The following HDAC4 variants were observed in gnomAD, a reference collection of about 807,000 sequenced individuals.
HDAC4 encodes histone deacetylase A.
Under a neutral mutation model 135.1 loss-of-function variants are expected in HDAC4, and 16 were observed. That is an observed-to-expected ratio of 0.12 (90% CI 0.08 to 0.18). HDAC4 has a LOEUF of 0.18. Among genes scored for constraint, HDAC4 ranks in the 10% least tolerant of loss-of-function variants. The pLI is 1.00. For synonymous variants in HDAC4, 685 were observed against 653.4 expected, an observed-to-expected ratio of 1.05 and a Z score of -0.74; for missense variants, 1,143 against 1,511.8, an observed-to-expected ratio of 0.76 and a Z score of 4.05.
At chr2:239,086,307 A>C (rs1417059061) in intron 19 of HDAC4, among the ~76,000 whole-genome samples, 1 of 126,340 alleles carries the variant, frequency 7.9e-6, no homozygotes. Flanking sequence ...CACGAAGGAG[A>C]CTCTGCTCTA....
chr2:239,114,244 C>T (rs560835151), intron 13 of HDAC4, among the ~76,000 whole-genome samples: 6 of 152,254 alleles, frequency 3.9e-5, no homozygotes, highest in African/African-American at 9.6e-5. Context: ...AGGTGCTCAA[C>T]GGCACGGCCG....
At chr2:239,356,360 G>A (rs1693489729) in intron 1 of HDAC4, among the ~76,000 whole-genome samples, 1 of 152,146 alleles carries the variant, frequency 6.6e-6, no homozygotes, top group Non-Finnish European at 1.5e-5. Context: ...GGCAGGGGTT[G>A]TCAGACTGGA....
At chr2:239,162,216 C>G in intron 6 of HDAC4, 1 of 456,792 alleles carries the variant, frequency 2.2e-6, no homozygotes. Flanking sequence ...TGCCCCACTC[C>G]TATCACTGTC....
intron 1 of HDAC4, among the ~76,000 whole-genome samples, chr2:239,374,462 G>GGC (rs935187370): frequency 5.3e-5 from 7 of 131,460 alleles, no homozygotes; most frequent in African/African-American, 2.0e-4. Context: ...GGAGTGCAGT[G>GGC]GCGGGATCTC....
At chr2:239,160,966 G>GT (rs1490377556) in intron 6 of HDAC4, among the ~76,000 whole-genome samples, 2 of 152,194 alleles carry the variant, frequency 1.3e-5, no homozygotes, top group Non-Finnish European at 2.9e-5. Flanking sequence ...CACCCGGCCT[G>GT]TTTCACTCCG....
chr2:239,235,036 TA>T (rs980092011), intron 3 of HDAC4, among the ~76,000 whole-genome samples: 6 of 152,268 alleles, frequency 3.9e-5, no homozygotes, highest in African/African-American at 1.4e-4. Context: ...ACTGTCGACA[TA>T]AGCCAAAATT....
Position 239,313,724 on chromosome 2 carries a change from C to T in HDAC4, c.22+38954G>A, listed in dbSNP as rs138369527. Among the ~76,000 whole-genome samples, 112 of 152,344 alleles carry T rather than the reference C, an allele frequency of 7.4e-4. No homozygotes were observed. Among genetic ancestry groups the T allele is most frequent in the Middle Eastern group, 3.4e-3 (1 of 294 alleles). The stretch of plus-strand genomic sequence containing the variant: ...AAAGGAAGATTCAGAAAAGCCTTCA[C>T]GCCTGGCAATATGGCACACGCACTT... On this transcript the variant is annotated intron_variant, in intron 2 of 26. Transcript: ENST00000543185. This position sits in a 1 kb window ranked among gnomAD's most constrained non-coding sequence, Gnocchi z 5.1.
At chr2:239,177,693 A>G (rs1288501923) in intron 4 of HDAC4, among the ~76,000 whole-genome samples, 1 of 152,248 alleles carries the variant, frequency 6.6e-6, no homozygotes, top group Non-Finnish European at 1.5e-5. Flanking sequence ...TAAAAGAAAA[A>G]CTGCAGTATT....
intron 17 of HDAC4, chr2:239,094,234 C>T (rs549403129): frequency 2.0e-6 from 2 of 985,446 alleles, no homozygotes; most frequent in African/African-American, 1.7e-5. Context: ...TGGCCGCCCT[C>T]GCTATTGCCA....
chr2:239,293,666 A>G (rs1346603027), intron 2 of HDAC4, among the ~76,000 whole-genome samples: 1 of 152,182 alleles, frequency 6.6e-6, no homozygotes, highest in Admixed American at 6.5e-5. Flanking sequence ...GTGGCTACGC[A>G]CAGGGCATCT....
chr2:239,176,571 T>C lies in HDAC4; in HGVS notation c.340-8A>G. The C allele has an allele frequency of 1.9e-6, 3 of 1,612,200 alleles. No homozygotes were observed. The South Asian group carries it at 3.3e-5, about 18-fold the overall frequency. ...CAGCATCTCCTGTTGTTGCTGCAAG[T>C]GGAAGGAGGAGACAGACGGTCAGAG... On this transcript the variant is annotated splice_polypyrimidine_tract_variant and splice_region_variant and intron_variant, in intron 4 of 26. Transcript: ENST00000543185.
chr2:239,308,172 G>A lies in HDAC4; in HGVS notation c.22+44506C>T, dbSNP rs2052698016. Among the ~76,000 whole-genome samples the A allele has an allele frequency of 6.6e-6, 1 of 152,154 alleles. No individual in the cohort carries two copies. The highest frequency in any genetic ancestry group is 1.5e-5 in the Non-Finnish European group (1 of 68,020). On this transcript the variant is annotated intron_variant, in intron 2 of 26. Transcript: ENST00000543185. The surrounding 1 kb of genome is among the most constrained non-coding windows in gnomAD (Gnocchi z 4.2). ...CCAGCTTCCTCATCTGTGAGATGGG[G>A]GTGGTCAGCGTGCAGGAAGCCCTCC...
chr2:239,154,976 G>A (rs1007706177), intron 7 of HDAC4: 4 of 152,316 alleles, frequency 2.6e-5, no homozygotes, highest in African/African-American at 9.7e-5. Context: ...TGGCCGTGCT[G>A]ATATGGCCCA....
chr2:239,208,326 CA>C (rs759398313), intron 3 of HDAC4, among the ~76,000 whole-genome samples: 142 of 68,172 alleles, frequency 2.1e-3, no homozygotes, highest in South Asian at 5.1e-3. Flanking sequence ...GACTCCGTCC[CA>C]AAAAAAAAAA....
At chr2:239,325,040 G>GTTTGC (rs1293794949) in intron 2 of HDAC4, among the ~76,000 whole-genome samples, 3 of 152,140 alleles carry the variant, frequency 2.0e-5, no homozygotes, top group Non-Finnish European at 2.9e-5. Context: ...ATTGCCACAG[G>GTTTGC]CAAAGGAATG....
At chr2:239,325,488 T>C (rs1360210677) in intron 2 of HDAC4, among the ~76,000 whole-genome samples, 2 of 152,198 alleles carry the variant, frequency 1.3e-5, no homozygotes, top group Non-Finnish European at 2.9e-5. Context: ...TCACTAATTA[T>C]TAGGCAAATA....
At chr2:239,072,023 T>C (rs188076929) in intron 22 of HDAC4, among the ~76,000 whole-genome samples, 163 of 152,334 alleles carry the variant, frequency 1.1e-3, no homozygotes, top group Non-Finnish European at 2.1e-3. Context: ...AAATGAGTCA[T>C]CCATTTGTAA....
chr2:239,156,598 T>C, intron 7 of HDAC4, 54 bp downstream of exon 7: 2 of 1,613,198 alleles, frequency 1.2e-6, no homozygotes, highest in Non-Finnish European at 1.7e-6. Context: ...GCTTGTGGCG[T>C]GGAAGGTGCC....
chr2:239,225,877 C>T (rs991468788), intron 3 of HDAC4, among the ~76,000 whole-genome samples: 1 of 152,202 alleles, frequency 6.6e-6, no homozygotes, highest in African/African-American at 2.4e-5. Context: ...GTGTGTGCAT[C>T]TTGCTGTGAG....
Sources: gnomAD v4.1 joint callset for allele counts (sites outside exome capture counted in the v4.1 genomes callset) on GRCh38, gnomAD v4.1.1 for gene constraint, Gnocchi (gnomAD v3.1) non-coding constraint, MANE v1.5 for transcripts, NCBI Gene and HGNC (gene_info 2026-07-23, HGNC 2026-07-21) for gene names.